Variants in SLC4A4 observed in about 807,000 individuals in gnomAD.
SLC4A4 encodes the protein solute carrier family 4 member 4.
In SLC4A4, 27 loss-of-function variants were observed where a neutral mutation model predicts 111.5. The observed-to-expected ratio is 0.24, with a 90% CI of 0.18 to 0.33. The LOEUF is 0.33. SLC4A4 is among the 10% of genes least tolerant of loss of function. SLC4A4 has a pLI of 1.00. For missense variants in SLC4A4, 909 were observed against 1,315.5 expected (o/e 0.69, Z 4.78); for synonymous variants, 443 against 463.4 (o/e 0.96, Z 0.57).
chr4:71,258,170 C>A (rs1371913291), intron 3 of SLC4A4, among the ~76,000 whole-genome samples: 1 of 152,176 alleles, frequency 6.6e-6, no homozygotes, highest in East Asian at 1.9e-4. Flanking sequence ...TCTCCTTGCT[C>A]ACTTTACTCC....
chr4:71,541,296 G>GT (rs748179094), intron 18 of SLC4A4, among the ~76,000 whole-genome samples: 3 of 152,154 alleles, frequency 2.0e-5, no homozygotes, highest in Non-Finnish European at 4.4e-5. Flanking sequence ...AGGAGAGTGG[G>GT]TTGTCAGGGA....
At chr4:71,533,475 T>A (rs1734126164) in intron 17 of SLC4A4, among the ~76,000 whole-genome samples, 1 of 152,120 alleles carries the variant, frequency 6.6e-6, no homozygotes, top group Non-Finnish European at 1.5e-5. Flanking sequence ...ATTTTAGTTT[T>A]TTATTTGCAT....
At chr4:71,377,346 G>A (rs2148944292) in intron 6 of SLC4A4, among the ~76,000 whole-genome samples, 1 of 152,304 alleles carries the variant, frequency 6.6e-6, no homozygotes, top group East Asian at 1.9e-4. Context: ...ATAATTGAAA[G>A]TATTGAAAGG....
chr4:71,168,270 G>A (rs7657212), intron 2 of SLC4A4, among the ~76,000 whole-genome samples: 15,979 of 145,702 alleles, frequency 0.11, 1,512 homozygotes, highest in African/African-American at 0.26. Flanking sequence ...TAACCTCCGC[G>A]TCCTGGGTTC....
chr4:71,496,046 G>GTTTCT (rs1448173187), intron 15 of SLC4A4, among the ~76,000 whole-genome samples: 3 of 152,044 alleles, frequency 2.0e-5, no homozygotes, highest in Non-Finnish European at 4.4e-5. Flanking sequence ...TCAGTATAAG[G>GTTTCT]GCGATCTGTG....
chr4:71,147,573 G>C (rs1744211993), intron 2 of SLC4A4, among the ~76,000 whole-genome samples: 1 of 152,152 alleles, frequency 6.6e-6, no homozygotes. Context: ...AGTACAGTTG[G>C]AGAAGGAGGA....
chr4:71,563,079 C>A (rs1737140422), intron 23 of SLC4A4, among the ~76,000 whole-genome samples: 1 of 151,690 alleles, frequency 6.6e-6, no homozygotes, highest in African/African-American at 2.4e-5. Flanking sequence ...ATAATTTGGG[C>A]TAGGTGGCTT....
chr4:71,381,123 C>T (rs1037710315), intron 6 of SLC4A4, among the ~76,000 whole-genome samples: 2 of 152,118 alleles, frequency 1.3e-5, no homozygotes, highest in African/African-American at 4.8e-5. Flanking sequence ...GGTTACAAAT[C>T]GAAGTGCAGT....
intron 16 of SLC4A4, among the ~76,000 whole-genome samples, chr4:71,527,439 G>A (rs911153378): frequency 2.0e-5 from 3 of 152,056 alleles, no homozygotes; most frequent in Non-Finnish European, 4.4e-5. Context: ...AAATTAAGCT[G>A]GCATTAATTA....
intron 20 of SLC4A4, among the ~76,000 whole-genome samples, chr4:71,552,844 T>C (rs902298232): frequency 1.4e-5 from 2 of 143,338 alleles, no homozygotes; most frequent in Non-Finnish European, 3.1e-5. Flanking sequence ...AATATCTACC[T>C]ACTATTACTA....
chr4:71,563,897 G>C lies in SLC4A4; in HGVS notation c.3196+8G>C. On this transcript the variant is annotated splice_region_variant and intron_variant, in intron 24 of 25. Coordinates refer to ENST00000264485, the MANE Select transcript of SLC4A4 (RefSeq NM_001098484.3). ...ATAGCAAACCTTCTGACAGTGAGTA[G>C]AACTAACCTCTTGCATGCTTGCTTG... is the stretch of plus-strand genomic sequence containing the variant. 6.5e-7 allele frequency: 1 copy of C among 1,546,214 alleles called. No individual in the cohort carries two copies. The highest frequency in any genetic ancestry group is 8.9e-7 in the Non-Finnish European group (1 of 1,119,022).
chr4:71,372,629 C>T (rs561036124), intron 6 of SLC4A4, among the ~76,000 whole-genome samples: 2 of 152,324 alleles, frequency 1.3e-5, no homozygotes, highest in Non-Finnish European at 2.9e-5. Context: ...CAGGTCTGAA[C>T]TTCAAAGAAG....
chr4:71,127,201 C>A (rs1482225626), intron 2 of SLC4A4, among the ~76,000 whole-genome samples: 3 of 152,180 alleles, frequency 2.0e-5, no homozygotes, highest in Admixed American at 6.5e-5. Flanking sequence ...TTACCTTAAT[C>A]TCACCTTTGC....
At chr4:71,413,868 C>T (rs1199535348) in intron 7 of SLC4A4, among the ~76,000 whole-genome samples, 1 of 152,082 alleles carries the variant, frequency 6.6e-6, no homozygotes, top group African/African-American at 2.4e-5. Flanking sequence ...TGTTCCTTTT[C>T]CCACTGTGGT....
At chr4:71,536,466 A>ATATATATATATATATG (rs1734459936) in intron 18 of SLC4A4, among the ~76,000 whole-genome samples, 2 of 52,366 alleles carry the variant, frequency 3.8e-5, no homozygotes, top group Non-Finnish European at 7.1e-5. Context: ...ACATATATAC[A>ATATATATATATATATG]TATATATATA....
At chr4:71,176,511 C>A (rs943728850) in intron 2 of SLC4A4, among the ~76,000 whole-genome samples, 1 of 152,150 alleles carries the variant, frequency 6.6e-6, no homozygotes, top group African/African-American at 2.4e-5. Context: ...AAAACCAAGG[C>A]ACGAGAACTA....
At chr4:71,473,475 T>A (rs1304622127) in intron 14 of SLC4A4, among the ~76,000 whole-genome samples, 1 of 151,840 alleles carries the variant, frequency 6.6e-6, no homozygotes, top group East Asian at 1.9e-4. Flanking sequence ...TGGAATTGCC[T>A]ACTGGTAGAA....
Position 71,371,495 on chromosome 4 carries a change from C to T in SLC4A4, c.730+14308C>T, listed in dbSNP as rs143435245. ...CTGACCTCAGGTGATCCACCCGCCTCGGCCTCCCAAAGCTCTGGGATTACA... is the reference window on the plus strand; with the variant it reads ...CTGACCTCAGGTGATCCACCCGCCTTGGCCTCCCAAAGCTCTGGGATTACA... On this transcript the variant is annotated intron_variant, in intron 6 of 25. Transcript: ENST00000264485. Among the ~76,000 whole-genome samples, 346 of 152,118 alleles carry T rather than the reference C, an allele frequency of 2.3e-3. 1 individual carries two copies. The highest frequency in any genetic ancestry group is 8.0e-3 in the African/African-American group (332 of 41,490).
intron 2 of SLC4A4, among the ~76,000 whole-genome samples, chr4:71,159,888 T>C (rs1744573951): frequency 6.8e-6 from 1 of 146,124 alleles, no homozygotes; most frequent in African/African-American, 2.7e-5. Context: ...ATTCTATAGT[T>C]CTATAGTTCT....
Sources: allele counts gnomAD v4.1 joint callset (sites outside exome capture counted in the v4.1 genomes callset), GRCh38; gene constraint gnomAD v4.1.1; transcripts MANE v1.5; gene names NCBI Gene and HGNC (gene_info 2026-07-23, HGNC 2026-07-21).